CSMD1: variants seen among roughly 807,000 people sequenced by gnomAD.
The protein encoded by CSMD1 is CUB and Sushi multiple domains 1, also known as CUB and sushi domain-containing protein 1.
Under a neutral mutation model 417.5 loss-of-function variants are expected in CSMD1, and 213 were observed. That is an observed-to-expected ratio of 0.51 (90% CI 0.46 to 0.57). The LOEUF (loss-of-function observed/expected upper bound fraction) is 0.57, where lower values mean the gene tolerates loss of function less well. CSMD1 is among the 20% of genes least tolerant of loss of function. The probability of loss-of-function intolerance (pLI) is 0.00; values close to 1 mark genes in which losing one functional copy is unlikely to be tolerated. For missense variants in CSMD1, 6,923 were observed against 4,529.7 expected (o/e 1.53, Z -15.17); for synonymous variants, 2,862 against 1,736.8 (o/e 1.65, Z -16.11).
chr8:3,748,709 A>C (rs1003316048), intron 6 of CSMD1, among the ~76,000 whole-genome samples: 1 of 152,218 alleles, frequency 6.6e-6, no homozygotes, highest in Non-Finnish European at 1.5e-5. Context: ...ATTAGAATTA[A>C]CCTGGGAACA....
chr8:4,937,989 G>C (rs1410161375), intron 1 of CSMD1, among the ~76,000 whole-genome samples: 1 of 151,832 alleles, frequency 6.6e-6, no homozygotes, highest in Non-Finnish European at 1.5e-5. Context: ...ATTGGCCTTT[G>C]TGACTCATCC....
intron 2 of CSMD1, among the ~76,000 whole-genome samples, chr8:4,457,691 C>T (rs10092005): frequency 0.14 from 21,316 of 152,142 alleles, 1,647 homozygotes; most frequent in East Asian, 0.23. Flanking sequence ...TAGAGGTTCA[C>T]ATGGGAGAGG....
intron 2 of CSMD1, among the ~76,000 whole-genome samples, chr8:4,517,664 G>T (rs570957886): frequency 6.6e-6 from 1 of 152,066 alleles, no homozygotes; most frequent in Non-Finnish European, 1.5e-5. Flanking sequence ...TGAATAAATG[G>T]GTATGAATAT....
intron 3 of CSMD1, among the ~76,000 whole-genome samples, chr8:4,411,717 T>C (rs1324997287): frequency 6.6e-6 from 1 of 152,188 alleles, no homozygotes; most frequent in African/African-American, 2.4e-5. Context: ...TATATATATG[T>C]GTGCTATGTA....
At chr8:4,236,904 G>C (rs901102401) in intron 3 of CSMD1, among the ~76,000 whole-genome samples, 1 of 152,172 alleles carries the variant, frequency 6.6e-6, no homozygotes, top group Admixed American at 6.5e-5. Context: ...CAATTTCCAG[G>C]CCTCTCAGCT....
At chr8:4,894,739 G>C (rs192013230) in intron 1 of CSMD1, among the ~76,000 whole-genome samples, 1 of 151,376 alleles carries the variant, frequency 6.6e-6, no homozygotes, top group African/African-American at 2.4e-5. Flanking sequence ...GAGGACCGAG[G>C]GGGACCAAGT....
intron 1 of CSMD1, among the ~76,000 whole-genome samples, chr8:4,670,592 G>A (rs1330191889): frequency 6.6e-6 from 1 of 152,100 alleles, no homozygotes; most frequent in Non-Finnish European, 1.5e-5. Context: ...CTTTGCTATA[G>A]GCAGTTCTGT....
chr8:4,408,433 G>A (rs182747467), intron 3 of CSMD1, among the ~76,000 whole-genome samples: 73 of 152,302 alleles, frequency 4.8e-4, no homozygotes, highest in African/African-American at 1.3e-3. Flanking sequence ...TTAAAGAAAA[G>A]AATTGGGAGA....
chr8:3,435,703 C>A (rs1246523036), intron 12 of CSMD1, among the ~76,000 whole-genome samples: 1 of 152,168 alleles, frequency 6.6e-6, no homozygotes, highest in East Asian at 1.9e-4. Context: ...TCACCCAGAC[C>A]TCCTTCCCAT....
At chr8:3,601,321 C>G (rs9694673) in intron 8 of CSMD1, among the ~76,000 whole-genome samples, 34,913 of 152,186 alleles carry the variant, frequency 0.23, 4,236 homozygotes, top group Admixed American at 0.27. Flanking sequence ...CCAGCTTCTG[C>G]AGACATATAG....
chr8:4,809,675 G>A (rs563086334), intron 1 of CSMD1, among the ~76,000 whole-genome samples: 1 of 152,140 alleles, frequency 6.6e-6, no homozygotes, highest in Non-Finnish European at 1.5e-5. Context: ...TATTTAAAAA[G>A]GCTAAAACTG....
rs541633926 is a variant in CSMD1, at chr8:3,366,958, CCACA to C, written c.3115+70_3115+73del. 333 of 1,114,478 alleles carry C rather than the reference CCACA, an allele frequency of 3.0e-4. 4 individuals carry two copies. The South Asian group carries it at 4.3e-3, about 14-fold the overall frequency. The allele number at this position is 1,114,478 out of a possible 1,614,324, so 69.0% of individuals were successfully genotyped here. On this transcript the variant is annotated intron_variant, in intron 20 of 69. Coordinates refer to ENST00000635120, the MANE Select transcript of CSMD1 (RefSeq NM_033225.6). ...GCACACATTACACACACACACACAC[CCACA>C]CACATTCTCACTAACAGAAATGGCA... is the stretch of plus-strand genomic sequence containing the variant.
At chr8:3,534,990 C>G (rs1221771480) in intron 10 of CSMD1, among the ~76,000 whole-genome samples, 1 of 152,154 alleles carries the variant, frequency 6.6e-6, no homozygotes, top group African/African-American at 2.4e-5. Context: ...CTTTGTCGCC[C>G]AGGCTGGAGT....
At chr8:4,307,355 G>T (rs886930776) in intron 3 of CSMD1, among the ~76,000 whole-genome samples, 5 of 152,202 alleles carry the variant, frequency 3.3e-5, no homozygotes, top group Admixed American at 1.3e-4. Context: ...TCAGAGCAAT[G>T]GGAGAGGTGG....
chr8:4,897,763 T>C (rs1327778015), intron 1 of CSMD1, among the ~76,000 whole-genome samples: 1 of 152,140 alleles, frequency 6.6e-6, no homozygotes, highest in Non-Finnish European at 1.5e-5. Context: ...TGCATTATGT[T>C]ATTTTAAGAA....
At chr8:3,171,980 G>C (rs565391312) in intron 37 of CSMD1, among the ~76,000 whole-genome samples, 15 of 152,188 alleles carry the variant, frequency 9.9e-5, no homozygotes, top group African/African-American at 3.6e-4. Flanking sequence ...CCAAAGGCTA[G>C]ACTTACCTAA....
chr8:3,544,630 G>A (rs571720806), intron 10 of CSMD1, among the ~76,000 whole-genome samples: 3 of 152,210 alleles, frequency 2.0e-5, no homozygotes, highest in African/African-American at 7.2e-5. Flanking sequence ...CCCTGGGAAC[G>A]GACCGTCCAA....
chr8:4,439,850 C>T (rs904663167), intron 2 of CSMD1, among the ~76,000 whole-genome samples: 2 of 152,056 alleles, frequency 1.3e-5, no homozygotes, highest in Admixed American at 6.6e-5. Context: ...AAGGCAGCTT[C>T]GAAAGATAGG....
At chr8:4,836,613 C>A (rs1429772863) in intron 1 of CSMD1, among the ~76,000 whole-genome samples, 1 of 152,204 alleles carries the variant, frequency 6.6e-6, no homozygotes, top group African/African-American at 2.4e-5. Context: ...GCTGTATACT[C>A]TGCTTTTGTT....
Sources: gnomAD v4.1 joint callset for allele counts (sites outside exome capture counted in the v4.1 genomes callset) on GRCh38, gnomAD v4.1.1 for gene constraint, MANE v1.5 for transcripts, NCBI Gene and HGNC (gene_info 2026-07-23, HGNC 2026-07-21) for gene names.